STXBP5L: variants seen among roughly 807,000 people sequenced by gnomAD.
STXBP5L encodes syntaxin binding protein 5L.
Under a neutral mutation model 144.5 loss-of-function variants are expected in STXBP5L, and 65 were observed. The observed-to-expected ratio is 0.45, with a 90% CI of 0.37 to 0.55. STXBP5L has a LOEUF of 0.55. STXBP5L is among the 20% of genes least tolerant of loss of function. The pLI, the probability that STXBP5L is intolerant of heterozygous loss-of-function variation, is 0.00. For missense variants in STXBP5L, 1,298 were observed against 1,405.5 expected, an observed-to-expected ratio of 0.92 and a Z score of 1.22; for synonymous variants, 505 against 469.6, an observed-to-expected ratio of 1.08 and a Z score of -0.97.
At chr3:121,193,576 TG>T (rs2047794991) in intron 9 of STXBP5L, among the ~76,000 whole-genome samples, 1 of 152,226 alleles carries the variant, frequency 6.6e-6, no homozygotes, top group African/African-American at 2.4e-5. Context: ...CCAACCCAAA[TG>T]TCCATCAATG....
chr3:121,216,818 G>A (rs1292429844), intron 10 of STXBP5L, among the ~76,000 whole-genome samples: 1 of 152,168 alleles, frequency 6.6e-6, no homozygotes, highest in Non-Finnish European at 1.5e-5. Context: ...GTCCAAGGGA[G>A]ATGGGAGTTT....
intron 5 of STXBP5L, among the ~76,000 whole-genome samples, chr3:121,059,193 C>G (rs947578396): frequency 6.6e-6 from 1 of 152,170 alleles, no homozygotes; most frequent in Non-Finnish European, 1.5e-5. Context: ...CAGGATGTGG[C>G]TAGCCAGTTT....
chr3:120,972,058 A>T (rs9868798), intron 3 of STXBP5L, among the ~76,000 whole-genome samples: 15,094 of 151,796 alleles, frequency 0.099, 1,183 homozygotes, highest in Admixed American at 0.2. Flanking sequence ...CTATTGGGAC[A>T]TTTTTTTGGT....
chr3:121,225,332 T>G (rs2049088711), intron 11 of STXBP5L, among the ~76,000 whole-genome samples: 1 of 151,892 alleles, frequency 6.6e-6, no homozygotes, highest in Non-Finnish European at 1.5e-5. Flanking sequence ...TGGTAGCTCG[T>G]GGAGAGGAGG....
In STXBP5L at chr3:121,019,469, A is replaced by C. The variant is rs1307553281; in HGVS notation, c.288-22231A>C. Among the ~76,000 whole-genome samples, 4 of 152,130 alleles carry C rather than the reference A, an allele frequency of 2.6e-5. No homozygotes were observed. The East Asian group carries it at 7.7e-4, about 29-fold the overall frequency. ...ATGGCTGGAGGCCAACCAACACAAA[A>C]CCAACACACTTACCAAAAATACAAC... On this transcript the variant is annotated intron_variant, in intron 3 of 26. Transcript: ENST00000471454.
intron 23 of STXBP5L, among the ~76,000 whole-genome samples, chr3:121,412,673 A>G (rs979888499): frequency 6.6e-6 from 1 of 151,450 alleles, no homozygotes; most frequent in Non-Finnish European, 1.5e-5. Context: ...AAACTACTAT[A>G]AACAAATTTG....
At chr3:121,175,152 A>G (rs1219036454) in intron 9 of STXBP5L, among the ~76,000 whole-genome samples, 1 of 152,130 alleles carries the variant, frequency 6.6e-6, no homozygotes, top group Admixed American at 6.6e-5. Context: ...AAAAATAACA[A>G]TAGATACAAC....
chr3:121,391,501 G>A (rs2046583136), intron 22 of STXBP5L, among the ~76,000 whole-genome samples: 1 of 152,094 alleles, frequency 6.6e-6, no homozygotes, highest in South Asian at 2.1e-4. Context: ...TTTCTGCTCT[G>A]GTTTCTCCCC....
intron 10 of STXBP5L, among the ~76,000 whole-genome samples, chr3:121,207,089 T>A (rs2048365388): frequency 6.6e-6 from 1 of 152,194 alleles, no homozygotes; most frequent in Non-Finnish European, 1.5e-5. Flanking sequence ...ACCTGTTATT[T>A]TATCTATATA....
chr3:121,119,771 A>G (rs1270483198), intron 6 of STXBP5L, among the ~76,000 whole-genome samples: 1 of 151,364 alleles, frequency 6.6e-6, no homozygotes, highest in Admixed American at 6.6e-5. Flanking sequence ...ATCTCTATGC[A>G]GTGAAATAAT....
intron 19 of STXBP5L, among the ~76,000 whole-genome samples, chr3:121,309,277 G>A (rs2043446761): frequency 6.6e-6 from 1 of 151,894 alleles, no homozygotes; most frequent in Admixed American, 6.6e-5. Context: ...AGATTTAAAG[G>A]TGTAAATAGG....
chr3:121,044,813 G>A (rs1320279486), intron 4 of STXBP5L, among the ~76,000 whole-genome samples: 2 of 152,076 alleles, frequency 1.3e-5, no homozygotes, highest in Non-Finnish European at 2.9e-5. Flanking sequence ...ATTTGTATTT[G>A]GTGGTGCTGT....
At chr3:121,094,191 A>C (rs965480776) in intron 5 of STXBP5L, among the ~76,000 whole-genome samples, 3 of 152,270 alleles carry the variant, frequency 2.0e-5, no homozygotes, top group African/African-American at 7.2e-5. Flanking sequence ...TTTACTTCCA[A>C]CTATGTGGTC....
intron 10 of STXBP5L, among the ~76,000 whole-genome samples, chr3:121,219,412 G>A (rs2048906626): frequency 6.6e-6 from 1 of 152,102 alleles, no homozygotes; most frequent in Admixed American, 6.6e-5. Context: ...TTACTGGACT[G>A]CATAGGTAGC....
chr3:121,016,697 T>C (rs1325016560), intron 3 of STXBP5L, among the ~76,000 whole-genome samples: 1 of 152,184 alleles, frequency 6.6e-6, no homozygotes, highest in Non-Finnish European at 1.5e-5. Flanking sequence ...AAGAACTATA[T>C]TTGATCTTTG....
intron 3 of STXBP5L, among the ~76,000 whole-genome samples, chr3:121,037,552 A>G (rs1305480689): frequency 6.6e-6 from 1 of 152,046 alleles, no homozygotes. Context: ...GTTGTATTAA[A>G]TTTGCCAACA....
At chr3:121,290,609 AAGACTAC>A (rs1370286879) in intron 19 of STXBP5L, among the ~76,000 whole-genome samples, 1 of 152,106 alleles carries the variant, frequency 6.6e-6, no homozygotes, top group Non-Finnish European at 1.5e-5. Flanking sequence ...AACAAAAAAG[AAGACTAC>A]AGACTGATAT....
chr3:121,414,720 A>G (rs1351552020), intron 24 of STXBP5L, among the ~76,000 whole-genome samples: 10 of 152,262 alleles, frequency 6.6e-5, no homozygotes, highest in Non-Finnish European at 1.5e-5. Context: ...CTGGAGAATT[A>G]GTCGAGTAGA....
At chr3:121,280,833 T>C (rs2051033892) in intron 19 of STXBP5L, among the ~76,000 whole-genome samples, 1 of 151,528 alleles carries the variant, frequency 6.6e-6, no homozygotes, top group African/African-American at 2.4e-5. Context: ...TCCAGTACTT[T>C]GGGAGGCCGA....
Sources: allele counts gnomAD v4.1 joint callset (sites outside exome capture counted in the v4.1 genomes callset), GRCh38; gene constraint gnomAD v4.1.1; transcripts MANE v1.5; gene names NCBI Gene and HGNC (gene_info 2026-07-23, HGNC 2026-07-21).